The following ACOT13 variants were observed in gnomAD, a reference collection of about 807,000 sequenced individuals.
The protein encoded by ACOT13 is acyl-CoA thioesterase 13.
A neutral mutation model predicts 11.8 loss-of-function variants in ACOT13; 10 were observed. The observed-to-expected ratio is 0.85, with a 90% CI of 0.53 to 1.44. The LOEUF (loss-of-function observed/expected upper bound fraction) is 1.44, where lower values mean the gene tolerates loss of function less well. Among genes scored for constraint, ACOT13 ranks in the 40% most tolerant of loss-of-function variants. ACOT13 has a pLI of 0.00. For synonymous variants in ACOT13, 53 were observed against 61.0 expected (o/e 0.87, Z 0.61); for missense variants, 172 against 174.1 (o/e 0.99, Z 0.07).
intron 1 of ACOT13, among the ~76,000 whole-genome samples, chr6:24,689,546 A>T (rs1778690180): frequency 6.6e-6 from 1 of 152,200 alleles, no homozygotes; most frequent in Non-Finnish European, 1.5e-5. Context: ...AATGTATATA[A>T]TATGATCCCA....
intron 1 of ACOT13, among the ~76,000 whole-genome samples, chr6:24,684,063 G>A (rs1384405735): frequency 6.6e-6 from 1 of 152,082 alleles, no homozygotes; most frequent in Non-Finnish European, 1.5e-5. Flanking sequence ...TGGAAGTGGA[G>A]TTTAAACACA....
chr6:24,677,491 A>T (rs552950401), intron 1 of ACOT13, among the ~76,000 whole-genome samples: 2 of 152,360 alleles, frequency 1.3e-5, no homozygotes, highest in Admixed American at 1.3e-4. Context: ...CAATGAGGCC[A>T]ACCCTTTGCC....
At chr6:24,691,108 C>G (rs1239950658) in intron 1 of ACOT13, among the ~76,000 whole-genome samples, 2 of 152,144 alleles carry the variant, frequency 1.3e-5, no homozygotes, top group Non-Finnish European at 2.9e-5. Context: ...TGGAAGGTGC[C>G]CAGTTGAATG....
At chr6:24,687,556 ATGAAGG>A in intron 1 of ACOT13, 1 of 1,425,942 alleles carries the variant, frequency 7.0e-7, no homozygotes, top group South Asian at 1.6e-5. Context: ...GAAATGAGTG[ATGAAGG>A]TGAATACCTG....
intron 2 of ACOT13, among the ~76,000 whole-genome samples, chr6:24,700,656 G>C (rs755615249): frequency 1.3e-5 from 2 of 151,786 alleles, no homozygotes; most frequent in African/African-American, 2.4e-5. Context: ...GGCTGGTCTC[G>C]AACTCCTGCC....
intron 1 of ACOT13, among the ~76,000 whole-genome samples, chr6:24,675,231 C>A (rs1778434216): frequency 2.6e-5 from 4 of 152,160 alleles, no homozygotes. Context: ...ATTTATAATC[C>A]TTTGGGTATA....
Position 24,685,415 on chromosome 6 carries a change from C to T in ACOT13, c.82-12468C>T, listed in dbSNP as rs1778614404. Among the ~76,000 whole-genome samples, 4 of 146,934 alleles carry T rather than the reference C, an allele frequency of 2.7e-5. No individual in the cohort carries two copies. The South Asian group carries it at 8.7e-4, about 32-fold the overall frequency. ...AGGCTGGAGTGCAGTGGTGCAATCT[C>T]GGCTCACTGCAAGCTCCGCCTCCCG... On this transcript the variant is annotated intron_variant, in intron 1 of 2. Coordinates refer to ENST00000230048, the MANE Select transcript of ACOT13 (RefSeq NM_018473.4).
chr6:24,671,688 A>C (rs549988733), intron 1 of ACOT13, among the ~76,000 whole-genome samples: 1 of 151,008 alleles, frequency 6.6e-6, no homozygotes, highest in African/African-American at 2.4e-5. Context: ...CAGCAACAAC[A>C]AAAAAAAACA....
At chr6:24,692,565 A>G (rs562790597) in intron 1 of ACOT13, among the ~76,000 whole-genome samples, 4 of 151,982 alleles carry the variant, frequency 2.6e-5, no homozygotes, top group Admixed American at 6.5e-5. Flanking sequence ...CTGCAGGCAC[A>G]TGCCACCATG....
intron 1 of ACOT13, among the ~76,000 whole-genome samples, chr6:24,671,022 A>G (rs1004546169): frequency 1.3e-5 from 2 of 152,136 alleles, no homozygotes; most frequent in African/African-American, 2.4e-5. Flanking sequence ...TGGGAGTGTA[A>G]ACTAGGTCAA....
intron 1 of ACOT13, among the ~76,000 whole-genome samples, chr6:24,674,227 T>G (rs1778408678): frequency 6.6e-6 from 1 of 152,074 alleles, no homozygotes; most frequent in African/African-American, 2.4e-5. Context: ...GCCCAACTAA[T>G]TTTATATTTA....
Position 24,667,351 on chromosome 6 carries a change from G to A in ACOT13, c.81+7G>A, listed in dbSNP as rs1200352416. ...TGAGAGAGTTTTGGGAAAGGTATGG[G>A]AAAGGTAGGGGAGAAGCCGTGGCTT... On this transcript the variant is annotated splice_region_variant and intron_variant, in intron 1 of 2. Coordinates refer to ENST00000230048, the MANE Select transcript of ACOT13 (RefSeq NM_018473.4). 6.2e-7 allele frequency: 1 copy of A among 1,613,782 alleles called. No homozygotes were observed. Among genetic ancestry groups the A allele is most frequent in the Non-Finnish European group, 8.5e-7 (1 of 1,179,860 alleles).
chr6:24,685,378 G>A (rs1184996624), intron 1 of ACOT13, among the ~76,000 whole-genome samples: 1 of 124,150 alleles, frequency 8.1e-6, no homozygotes, highest in Non-Finnish European at 1.7e-5. Context: ...ACAGAGTCTT[G>A]CTCTGTTGCC....
chr6:24,695,777 CGAT>C (rs1778785891), intron 1 of ACOT13, among the ~76,000 whole-genome samples: 1 of 152,064 alleles, frequency 6.6e-6, no homozygotes, highest in Admixed American at 6.6e-5. Context: ...TATAAACAGA[CGAT>C]CATAGGCCAG....
rs769315241 is a variant in ACOT13 at position 24,704,197 on chromosome 6, T to C, written c.*2582T>C. ...GGAAGGGGTAAGGAAGCACAAAGTG[T>C]GCAACAAACTCAAATAGCTCACAGG... On this transcript the variant is annotated 3_prime_UTR_variant, in exon 3 of 3. Coordinates refer to ENST00000230048, the MANE Select transcript of ACOT13 (RefSeq NM_018473.4). 6 of 152,030 alleles carry C rather than the reference T, an allele frequency of 3.9e-5. No homozygotes were observed. The highest frequency in any genetic ancestry group is 1.9e-4 in the East Asian group (1 of 5,194). The allele number at this position is 152,030 out of a possible 1,614,324, so 9.4% of individuals were successfully genotyped here. A position where few individuals can be genotyped will look rare whatever the true frequency, so the allele number is the denominator to read the frequency against.
chr6:24,675,759 C>T (rs557922617), intron 1 of ACOT13, among the ~76,000 whole-genome samples: 2 of 152,244 alleles, frequency 1.3e-5, no homozygotes, highest in Admixed American at 1.3e-4. Context: ...TCAATTTTGG[C>T]TTTTGTTGCC....
intron 1 of ACOT13, among the ~76,000 whole-genome samples, chr6:24,676,775 G>A (rs1161489953): frequency 6.6e-6 from 1 of 152,080 alleles, no homozygotes; most frequent in African/African-American, 2.4e-5. Context: ...GTTCCTTTCT[G>A]TTTCCCTTTC....
chr6:24,699,753 A>G (rs1047157061), intron 2 of ACOT13, among the ~76,000 whole-genome samples: 1 of 152,196 alleles, frequency 6.6e-6, no homozygotes, highest in Non-Finnish European at 1.5e-5. Context: ...GATTTTCCCT[A>G]AAAGTCTCTA....
At chr6:24,691,644 C>T (rs1354678255) in intron 1 of ACOT13, among the ~76,000 whole-genome samples, 1 of 151,850 alleles carries the variant, frequency 6.6e-6, no homozygotes, top group Non-Finnish European at 1.5e-5. Flanking sequence ...TCAATAAAGA[C>T]CTGAGAAAGT....
Sources: gnomAD v4.1 joint callset for allele counts (sites outside exome capture counted in the v4.1 genomes callset) on GRCh38, gnomAD v4.1.1 for gene constraint, MANE v1.5 for transcripts, NCBI Gene and HGNC (gene_info 2026-07-23, HGNC 2026-07-21) for gene names.